The following SNX13 variants were observed in gnomAD, a reference collection of about 807,000 sequenced individuals.
SNX13 encodes sorting nexin 13, also known as sorting nexin-13.
In SNX13, 45 loss-of-function variants were observed where a neutral mutation model predicts 133.6. The observed-to-expected ratio is 0.34, with a 90% CI of 0.27 to 0.43. SNX13 has a LOEUF of 0.43. Among genes scored for constraint, SNX13 ranks in the 20% least tolerant of loss-of-function variants. SNX13 has a pLI of 1.00. For synonymous variants in SNX13, 414 were observed against 373.9 expected, an observed-to-expected ratio of 1.11 and a Z score of -1.24; for missense variants, 1,032 against 1,145.1, an observed-to-expected ratio of 0.90 and a Z score of 1.43.
chr7:17,891,598 T>TTTA lies in SNX13; in HGVS notation c.265_266insTAA (p.Ile88dup). On this transcript the variant is annotated inframe_insertion, in exon 4 of 26. Coordinates refer to ENST00000428135, the MANE Select transcript of SNX13 (RefSeq NM_015132.5). The stretch of plus-strand genomic sequence containing the variant: ...GGCACCCGTCAATCTTCTATCAATC[T>TTTA]TAATAGTCCTGGCTTCCCGTTTCAT... 1 of 1,612,594 alleles carries TTTA rather than the reference T, an allele frequency of 6.2e-7. No homozygotes were observed. The highest frequency in any genetic ancestry group is 8.5e-7 in the Non-Finnish European group (1 of 1,179,054).
intron 9 of SNX13, among the ~76,000 whole-genome samples, chr7:17,856,800 AAAAGAAAG>A (rs1237397561): frequency 6.7e-6 from 1 of 149,260 alleles, no homozygotes; most frequent in Non-Finnish European, 1.5e-5. Flanking sequence ...AAAAAAAAAA[AAAAGAAAG>A]AAAGAAAGAA....
chr7:17,864,134 C>T (rs1237207467), intron 9 of SNX13, among the ~76,000 whole-genome samples: 2 of 152,090 alleles, frequency 1.3e-5, no homozygotes, highest in African/African-American at 4.8e-5. Context: ...CATTAATGAA[C>T]ATCTACAAGC....
chr7:17,803,659 G>A, intron 20 of SNX13, 79 bp from the exon 21 acceptor site: 3 of 1,267,776 alleles, frequency 2.4e-6, no homozygotes, highest in Non-Finnish European at 3.2e-6. Flanking sequence ...GGAAAATATA[G>A]AGTGCAACAC....
chr7:17,907,945 A>G (rs757051647), intron 1 of SNX13, among the ~76,000 whole-genome samples: 15 of 152,152 alleles, frequency 9.9e-5, no homozygotes, highest in Non-Finnish European at 2.2e-4. Flanking sequence ...TGTGACTTCC[A>G]AAACTGTGCC....
At chr7:17,836,354 T>TA (rs1054064489) in intron 13 of SNX13, among the ~76,000 whole-genome samples, 1 of 151,932 alleles carries the variant, frequency 6.6e-6, no homozygotes, top group Non-Finnish European at 1.5e-5. Flanking sequence ...CCTGTCTCTT[T>TA]AAAAAAATAC....
rs927757285 is a variant in SNX13 at position 17,940,438 on chromosome 7, G to C, written c.-143C>G. On this transcript the variant is annotated 5_prime_UTR_variant, in exon 1 of 26. Transcript: ENST00000428135. The stretch of plus-strand genomic sequence containing the variant: ...CCGGGCGGCGGTTTTACTCGGCTTC[G>C]CTGGCCTCCCCTCGGCCCGGTCGCT... 12 of 916,516 alleles carry C rather than the reference G, an allele frequency of 1.3e-5. No individual in the cohort carries two copies. The highest frequency in any genetic ancestry group is 2.1e-5 in the Non-Finnish European group (12 of 577,838). The allele number at this position is 916,516 out of a possible 1,614,324, so 56.8% of individuals were successfully genotyped here. A position where few individuals can be genotyped will look rare whatever the true frequency, so the allele number is the denominator to read the frequency against.
At chr7:17,884,249 G>A (rs1583616483) in intron 5 of SNX13, among the ~76,000 whole-genome samples, 1 of 152,152 alleles carries the variant, frequency 6.6e-6, no homozygotes, top group South Asian at 2.1e-4. Flanking sequence ...AACATTAACA[G>A]TGATCTTTGG....
chr7:17,888,899 A>G, intron 5 of SNX13: 1 of 273,270 alleles, frequency 3.7e-6, no homozygotes, highest in Non-Finnish European at 7.3e-6. Context: ...CTAGAGGTGG[A>G]GCTAGAATGC....
At chr7:17,800,608 A>G (rs530834259) in intron 22 of SNX13, among the ~76,000 whole-genome samples, 1 of 151,924 alleles carries the variant, frequency 6.6e-6, no homozygotes, top group East Asian at 1.9e-4. Flanking sequence ...TAACATATAT[A>G]GCACAAGAAA....
chr7:17,885,055 T>C lies in SNX13; in HGVS notation c.440+5308A>G, dbSNP rs192781599. ...TCAAAAACTTGTACATGAATACTCA[T>C]AGTAGCATTATTCATATGATTCAAA... On this transcript the variant is annotated intron_variant, in intron 5 of 25. Coordinates refer to ENST00000428135, the MANE Select transcript of SNX13 (RefSeq NM_015132.5). 2.3e-3 allele frequency among the ~76,000 whole-genome samples: 351 copies of C among 152,298 alleles called. 4 individuals carry two copies. The highest frequency in any genetic ancestry group is 3.4e-3 in the Middle Eastern group (1 of 294).
chr7:17,802,731 C>T (rs1003911720), intron 21 of SNX13, among the ~76,000 whole-genome samples: 1 of 152,140 alleles, frequency 6.6e-6, no homozygotes, highest in Non-Finnish European at 1.5e-5. Context: ...ATTTCCCCTA[C>T]ATTCAAGCAT....
At chr7:17,795,797 T>C (rs1430884434) in intron 25 of SNX13, 1 of 151,804 alleles carries the variant, frequency 6.6e-6, no homozygotes, top group Non-Finnish European at 1.5e-5. Context: ...ACTATAATAG[T>C]ATATTAAATA....
At chr7:17,886,072 T>C (rs1795952298) in intron 5 of SNX13, among the ~76,000 whole-genome samples, 1 of 152,154 alleles carries the variant, frequency 6.6e-6, no homozygotes, top group Non-Finnish European at 1.5e-5. Context: ...TTTTAACAAG[T>C]GTAGGGATAT....
intron 5 of SNX13, among the ~76,000 whole-genome samples, chr7:17,878,516 T>C (rs2128360139): frequency 6.6e-6 from 1 of 152,210 alleles, no homozygotes; most frequent in African/African-American, 2.4e-5. Context: ...AACAAAACTA[T>C]AAAGTGTGTC....
At position 17,834,091 on chromosome 7, in the gene SNX13, T is replaced by G; in HGVS notation, c.1558A>C (p.Lys520Gln). 6.3e-7 allele frequency: 1 copy of G among 1,588,562 alleles called. No homozygotes were observed. Among genetic ancestry groups the G allele is most frequent in the Non-Finnish European group, 8.6e-7 (1 of 1,164,240 alleles). The part of the protein sequence containing the change: ...VRMLAELDML[K>Q]DPSFRGSDDG... ...TCGGATCCTCTGAAACTAGGATCTT[T>G]TAACATGTCAAGCTCAGCTAACATG... The change falls in exon 15 of 26, where the codon AAA becomes CAA. Residue 520 changes from lysine to glutamine, a missense_variant. By Grantham distance (53) the Lys-to-Gln change is moderately conservative (BLOSUM62 1). Coordinates refer to ENST00000428135, the MANE Select transcript of SNX13 (RefSeq NM_015132.5).
At chr7:17,820,281 T>C (rs1384109108) in intron 18 of SNX13, among the ~76,000 whole-genome samples, 1 of 152,150 alleles carries the variant, frequency 6.6e-6, no homozygotes, top group Non-Finnish European at 1.5e-5. Flanking sequence ...ACTCAAATTA[T>C]TTTTTAAATT....
intron 1 of SNX13, among the ~76,000 whole-genome samples, chr7:17,933,585 T>G (rs1049558218): frequency 6.6e-6 from 1 of 151,994 alleles, no homozygotes; most frequent in Non-Finnish European, 1.5e-5. Flanking sequence ...AGGCATTCAT[T>G]GAAATCGGTT....
chr7:17,889,630 G>A (rs1346370250), intron 5 of SNX13: 1 of 151,878 alleles, frequency 6.6e-6, no homozygotes, highest in East Asian at 1.9e-4. Context: ...AGACATCAAG[G>A]ATGGAGGGGA....
At chr7:17,841,325 C>T (rs565133190) in intron 12 of SNX13, among the ~76,000 whole-genome samples, 27 of 151,940 alleles carry the variant, frequency 1.8e-4, no homozygotes, top group Non-Finnish European at 3.7e-4. Context: ...CAAAAGCAAC[C>T]ACATATGTGG....
Sources: gnomAD v4.1 joint callset for allele counts (sites outside exome capture counted in the v4.1 genomes callset) on GRCh38, gnomAD v4.1.1 for gene constraint, MANE v1.5 for transcripts, NCBI Gene and HGNC (gene_info 2026-07-23, HGNC 2026-07-21) for gene names.